TMIGD3: variants seen among roughly 807,000 people sequenced by gnomAD.
TMIGD3 encodes AD026 protein (AD026).
In TMIGD3, 21 loss-of-function variants were observed where a neutral mutation model predicts 28.1. That is an observed-to-expected ratio of 0.75 (90% confidence interval 0.53 to 1.08). The LOEUF (loss-of-function observed/expected upper bound fraction) is 1.08, where lower values mean the gene tolerates loss of function less well. TMIGD3 is among the 50% of genes least tolerant of loss of function. TMIGD3 has a pLI of 0.00. For missense variants in TMIGD3, 416 were observed against 435.6 expected (o/e 0.96, Z 0.40); for synonymous variants, 151 against 162.1 (o/e 0.93, Z 0.52).
intron 1 of TMIGD3, among the ~76,000 whole-genome samples, chr1:111,526,101 A>AG (rs1656251982): frequency 6.6e-6 from 1 of 151,948 alleles, no homozygotes; most frequent in Non-Finnish European, 1.5e-5. Flanking sequence ...CTTTTTAAAA[A>AG]TATACTTTAT....
intron 1 of TMIGD3, among the ~76,000 whole-genome samples, chr1:111,518,552 G>A (rs75748959): frequency 6.6e-6 from 1 of 152,144 alleles, no homozygotes; most frequent in Non-Finnish European, 1.5e-5. Flanking sequence ...ACTCCCAGTT[G>A]AGAAACAGTG....
At chr1:111,485,647 G>A (rs1654327851) in intron 5 of TMIGD3, 93 bp downstream of exon 5, 2 of 988,410 alleles carry the variant, frequency 2.0e-6, no homozygotes, top group African/African-American at 3.3e-5. Context: ...GCAATATGAA[G>A]AGGCTCTCAT....
intron 1 of TMIGD3, among the ~76,000 whole-genome samples, chr1:111,509,391 C>T (rs1013974937): frequency 6.6e-6 from 1 of 152,178 alleles, no homozygotes; most frequent in Non-Finnish European, 1.5e-5. Flanking sequence ...TATCACAGTC[C>T]TAGGCTTCTG....
chr1:111,529,740 C>G (rs1557837338), intron 1 of TMIGD3, among the ~76,000 whole-genome samples: 2 of 151,540 alleles, frequency 1.3e-5, no homozygotes, highest in Non-Finnish European at 3.0e-5. Flanking sequence ...TAGTACAGAA[C>G]AAAATGAAAA....
intron 1 of TMIGD3, among the ~76,000 whole-genome samples, chr1:111,559,692 T>C (rs1657652257): frequency 6.6e-6 from 1 of 152,344 alleles, no homozygotes; most frequent in African/African-American, 2.4e-5. Flanking sequence ...ACATCCATGT[T>C]CCTTTTGCTA....
At chr1:111,509,494 C>A (rs1220501022) in intron 1 of TMIGD3, among the ~76,000 whole-genome samples, 1 of 152,082 alleles carries the variant, frequency 6.6e-6, no homozygotes, top group African/African-American at 2.4e-5. Flanking sequence ...GGTGTTGATT[C>A]TCATGCCCTT....
chr1:111,562,938 A>G (rs1000876824), intron 1 of TMIGD3, among the ~76,000 whole-genome samples: 5 of 152,220 alleles, frequency 3.3e-5, no homozygotes, highest in African/African-American at 9.6e-5. Flanking sequence ...GTCTCTTACT[A>G]TGTACCAGGT....
chr1:111,512,376 G>A (rs1044777188), intron 1 of TMIGD3, among the ~76,000 whole-genome samples: 2 of 152,222 alleles, frequency 1.3e-5, no homozygotes, highest in African/African-American at 4.8e-5. Flanking sequence ...TCACCCCAAC[G>A]TGCTCCAGAG....
At chr1:111,550,220 T>A (rs959734039) in intron 1 of TMIGD3, among the ~76,000 whole-genome samples, 1 of 152,202 alleles carries the variant, frequency 6.6e-6, no homozygotes, top group Non-Finnish European at 1.5e-5. Flanking sequence ...TCTCCCTATT[T>A]TTCTGGTCAG....
At chr1:111,525,909 T>C (rs890034215) in intron 1 of TMIGD3, among the ~76,000 whole-genome samples, 10 of 152,102 alleles carry the variant, frequency 6.6e-5, no homozygotes, top group Non-Finnish European at 1.5e-4. Flanking sequence ...TTGGAGGAAG[T>C]ATAGAATTGA....
At chr1:111,500,660 C>G (rs966610604) in intron 1 of TMIGD3, 48 of 1,119,502 alleles carry the variant, frequency 4.3e-5, no homozygotes, top group Non-Finnish European at 6.2e-5. Flanking sequence ...AAGGCATATA[C>G]TCTCTTAATT....
At chr1:111,546,085 A>G (rs1360667929) in intron 1 of TMIGD3, among the ~76,000 whole-genome samples, 1 of 152,152 alleles carries the variant, frequency 6.6e-6, no homozygotes, top group Non-Finnish European at 1.5e-5. Flanking sequence ...TTTCAAAACT[A>G]TTTTGGTTAT....
intron 1 of TMIGD3, 113 bp from the exon 2 acceptor site, chr1:111,490,875 A>C: frequency 1.4e-6 from 1 of 724,320 alleles, no homozygotes; most frequent in South Asian, 1.6e-5. Context: ...ATGTATAGAT[A>C]CACTGCACAA....
chr1:111,499,711 G>T, intron 1 of TMIGD3: 1 of 1,334,670 alleles, frequency 7.5e-7, no homozygotes, highest in Non-Finnish European at 9.6e-7. Flanking sequence ...TCAATAATAC[G>T]TTGTCCCCAA....
At chr1:111,490,879 T>C (rs1654626000) in intron 1 of TMIGD3, 117 bp from the exon 2 acceptor site, 1 of 698,540 alleles carries the variant, frequency 1.4e-6, no homozygotes, top group Non-Finnish European at 2.5e-6. Flanking sequence ...ATAGATACAC[T>C]GCACAATGCA....
intron 1 of TMIGD3, among the ~76,000 whole-genome samples, chr1:111,512,216 G>A (rs1339008360): frequency 2.0e-5 from 3 of 152,230 alleles, no homozygotes; most frequent in African/African-American, 7.2e-5. Context: ...GTGCTAATCA[G>A]TTACATTACC....
intron 1 of TMIGD3, among the ~76,000 whole-genome samples, chr1:111,535,877 C>A (rs1344291763): frequency 1.3e-5 from 2 of 152,204 alleles, no homozygotes; most frequent in African/African-American, 2.4e-5. Flanking sequence ...TCCAGACACA[C>A]AACAGCTTCA....
upstream of TMIGD3, chr1:111,503,814 G>C: frequency 9.9e-7 from 1 of 1,005,110 alleles, no homozygotes; most frequent in Non-Finnish European, 1.2e-6. Flanking sequence ...GATGGAAAGA[G>C]CAGAAGAGGA....
At position 111,503,058 on chromosome 1, in the gene TMIGD3, C is replaced by T; in HGVS notation, c.297G>A (p.Met99Ile). ...LLLIFTHASI[M>I]SLLAIAVDRY... ...GGTCCACAGCGATGGCCAGCAAGGA[C>T]ATGATGGAGGCGTGGGTAAAGATAA... Residue 99 changes from methionine (M) to isoleucine (I), a missense_variant, in exon 1 of 6, where the codon ATG (methionine) becomes ATA (isoleucine). By Grantham distance (10) the Met-to-Ile change is conservative (BLOSUM62 1). Transcript: ENST00000369716. 6.2e-7 allele frequency: 1 copy of T among 1,614,210 alleles called. No individual in the cohort carries two copies. The highest frequency in any genetic ancestry group is 8.5e-7 in the Non-Finnish European group (1 of 1,180,040).
Sources: allele counts gnomAD v4.1 joint callset (sites outside exome capture counted in the v4.1 genomes callset), GRCh38; gene constraint gnomAD v4.1.1; transcripts MANE v1.5; gene names NCBI Gene and HGNC (gene_info 2026-07-23, HGNC 2026-07-21).